The following VPS13A variants were observed in gnomAD, a reference collection of about 807,000 sequenced individuals.
VPS13A encodes the protein intermembrane lipid transfer protein VPS13A.
Under a neutral mutation model 390.9 loss-of-function variants are expected in VPS13A, and 264 were observed. That is an observed-to-expected ratio of 0.68 (90% CI 0.61 to 0.75). The LOEUF (loss-of-function observed/expected upper bound fraction) is 0.75, where lower values mean the gene tolerates loss of function less well. Ranked by LOEUF, VPS13A falls within the 30% of genes least tolerant of loss-of-function variation. The pLI, the probability that VPS13A is intolerant of heterozygous loss-of-function variation, is 0.00. For synonymous variants in VPS13A, 1,231 were observed against 1,227.1 expected (o/e 1.00, Z -0.07); for missense variants, 3,409 against 3,733.9 (o/e 0.91, Z 2.27).
At chr9:77,302,763 T>TA (rs747408809) in intron 33 of VPS13A, 152 bp from the exon 34 acceptor site, 975 of 789,168 alleles carry the variant, frequency 1.2e-3, no homozygotes, top group Non-Finnish European at 1.7e-3. Context: ...TTTTGACAGA[T>TA]AAAAAAAAAG....
chr9:77,246,531 T>C (rs1481741899), intron 19 of VPS13A, among the ~76,000 whole-genome samples: 1 of 152,250 alleles, frequency 6.6e-6, no homozygotes, highest in South Asian at 2.1e-4. Flanking sequence ...TTTTAAACTT[T>C]TTAAGTCAAA....
At chr9:77,250,278 A>G (rs1286880438) in intron 21 of VPS13A, 49 bp downstream of exon 21, 4 of 1,603,932 alleles carry the variant, frequency 2.5e-6, no homozygotes, top group African/African-American at 2.7e-5. Flanking sequence ...GAAGTGATTA[A>G]TTAGGTTTTT....
chr9:77,317,527 C>G, intron 39 of VPS13A, 79 bp from the exon 40 acceptor site: 8 of 1,059,208 alleles, frequency 7.6e-6, no homozygotes, highest in Non-Finnish European at 1.1e-5. Flanking sequence ...TTTGACATAC[C>G]TATTACTAGG....
intron 17 of VPS13A, among the ~76,000 whole-genome samples, chr9:77,235,744 C>T (rs1465327185): frequency 6.6e-6 from 1 of 152,110 alleles, no homozygotes; most frequent in Non-Finnish European, 1.5e-5. Flanking sequence ...CTTTATGCTC[C>T]ACAGACTCAA....
chr9:77,259,333 A>G (rs993525441), intron 22 of VPS13A, among the ~76,000 whole-genome samples: 1 of 152,212 alleles, frequency 6.6e-6, no homozygotes, highest in Non-Finnish European at 1.5e-5. Context: ...GAACCGATTC[A>G]TAATGTTTAA....
At chr9:77,330,059 C>G (rs189403032) in intron 45 of VPS13A, among the ~76,000 whole-genome samples, 1 of 152,148 alleles carries the variant, frequency 6.6e-6, no homozygotes, top group Non-Finnish European at 1.5e-5. Context: ...CTTGCTCTAT[C>G]GCCCAGGAGT....
chr9:77,413,529 G>C (rs1345817975), intron 71 of VPS13A, among the ~76,000 whole-genome samples: 1 of 152,128 alleles, frequency 6.6e-6, no homozygotes, highest in Non-Finnish European at 1.5e-5. Context: ...GGGAAAACTA[G>C]CTAGCCATAT....
At chr9:77,191,255 G>T in intron 1 of VPS13A, among the ~76,000 whole-genome samples, 1 of 148,134 alleles carries the variant, frequency 6.8e-6, no homozygotes, top group South Asian at 2.1e-4. Flanking sequence ...GTTTTCATTA[G>T]TTTCAAATAA....
intron 23 of VPS13A, among the ~76,000 whole-genome samples, chr9:77,265,818 T>C (rs951623011): frequency 1.6e-4 from 24 of 152,238 alleles, no homozygotes; most frequent in African/African-American, 5.1e-4. Context: ...ATCTTAGTTA[T>C]TTCTTGTCTT....
chr9:77,259,154 AAC>A (rs1481627121), intron 22 of VPS13A, among the ~76,000 whole-genome samples: 2 of 152,156 alleles, frequency 1.3e-5, no homozygotes, highest in Non-Finnish European at 2.9e-5. Context: ...CAAATCCTGA[AAC>A]TCCACAGGTG....
intron 40 of VPS13A, 21 bp from the exon 41 acceptor site, chr9:77,318,212 CTT>C (rs761993871): frequency 3.7e-5 from 53 of 1,429,940 alleles, no homozygotes; most frequent in Non-Finnish European, 4.9e-5. Flanking sequence ...TTTGTATAGA[CTT>C]ATTAATTTTT....
At chr9:77,389,800 G>A (rs2131627183) in intron 68 of VPS13A, 1 of 152,220 alleles carries the variant, frequency 6.6e-6, no homozygotes, top group Middle Eastern at 3.4e-3. Flanking sequence ...TGTCCTGTGG[G>A]TGTAGTATAG....
chr9:77,371,043 G>A lies in VPS13A; in HGVS notation c.8971G>A (p.Ala2991Thr), dbSNP rs778668066. 1.2e-6 allele frequency: 2 copies of A among 1,614,142 alleles called. No homozygotes were observed. Among genetic ancestry groups the A allele is most frequent in the Non-Finnish European group, 1.7e-6 (2 of 1,180,010 alleles). ...KPIKGAQKGG[A>T]AGFFKGVGKG... ...CTTTCCAGGAGCTCAAAAAGGAGGA[G>A]CAGCTGGTTTCTTTAAAGGTGTTGG... is the stretch of plus-strand genomic sequence containing the variant. The change falls in exon 67 of 72, where the codon GCA becomes ACA. Residue 2991 changes from alanine (A) to threonine (T), a missense_variant. Physicochemically the swap from Ala to Thr is moderately conservative, Grantham distance 58. Transcript: ENST00000360280.
chr9:77,195,371 G>T (rs1824929458), intron 1 of VPS13A, among the ~76,000 whole-genome samples: 1 of 152,174 alleles, frequency 6.6e-6, no homozygotes, highest in Non-Finnish European at 1.5e-5. Context: ...TGATCTGCCT[G>T]CTTCGGCCTC....
chr9:77,295,782 C>T lies in VPS13A; in HGVS notation c.3748C>T (p.Gln1250Ter). ...TNTFHMITES[Q>*]SSPPPVIDLI... is the part of the protein sequence containing the mutation. ...TACCTTTCATATGATAACAGAGAGC[C>T]AGAGCTCTCCCCCACCTGTTATTGA... The change falls in exon 33 of 72, where the codon CAG becomes TAG. Residue 1250 changes from glutamine (Q) to a stop codon, truncating the protein, a stop_gained. Coordinates refer to ENST00000360280, the MANE Select transcript of VPS13A (RefSeq NM_033305.3). LOFTEE classifies it high-confidence loss of function. 1 of 1,613,930 alleles carries T rather than the reference C, an allele frequency of 6.2e-7. No homozygotes were observed. Among genetic ancestry groups the T allele is most frequent in the Non-Finnish European group, 8.5e-7 (1 of 1,179,894 alleles).
chr9:77,211,100 A>G (rs768267874), intron 7 of VPS13A: 2 of 169,644 alleles, frequency 1.2e-5, no homozygotes, highest in Admixed American at 1.2e-4. Flanking sequence ...TTTTAAAAAT[A>G]TAAGAACATG....
Position 77,382,069 on chromosome 9 carries a change from T to A in VPS13A, c.9171T>A (p.Thr3057=). ...VIRPYRLRDG[T]GNQMLQVMEN... ...GACCGTACAGGTTGAGGGATGGGAC[T>A]GGAAATCAAATGTTACAGGTAAATT... Residue 3057 remains threonine (T), a synonymous_variant, in exon 68 of 72, where the codon ACT becomes ACA. Coordinates refer to ENST00000360280, the MANE Select transcript of VPS13A (RefSeq NM_033305.3). The A allele has an allele frequency of 6.2e-7, 1 of 1,607,136 alleles. No individual in the cohort carries two copies. Among genetic ancestry groups the A allele is most frequent in the South Asian group, 1.1e-5 (1 of 89,492 alleles).
intron 3 of VPS13A, 101 bp downstream of exon 3, chr9:77,201,508 A>T: frequency 9.5e-7 from 1 of 1,050,926 alleles, no homozygotes; most frequent in Non-Finnish European, 1.5e-6. Context: ...GTTTCTGAGC[A>T]TCAATTAAAA....
rs774586650 is a variant in VPS13A, at chr9:77,275,579, G to A, written c.2594G>A (p.Arg865Gln). ...LQFPTGVKSIRTRKLQKQDCS... is the reference protein window; with the variant it reads ...LQFPTGVKSIQTRKLQKQDCS... ...TTTCCAACTGGAGTTAAAAGTATTCGAACCAGAAAGTTACAAAAGCAGGAT... is the reference window on the plus strand; with the variant it reads ...TTTCCAACTGGAGTTAAAAGTATTCAAACCAGAAAGTTACAAAAGCAGGAT... The change falls in exon 25 of 72, where the codon CGA (arginine) becomes CAA (glutamine). Residue 865 changes from arginine (R) to glutamine (Q), a missense_variant. By Grantham distance (43) the Arg-to-Gln change is conservative. Coordinates refer to ENST00000360280, the MANE Select transcript of VPS13A (RefSeq NM_033305.3). 4 of 1,613,594 alleles carry A rather than the reference G, an allele frequency of 2.5e-6. No homozygotes were observed. Among genetic ancestry groups the A allele is most frequent in the Admixed American group, 1.7e-5 (1 of 59,994 alleles).
Sources: gnomAD v4.1 joint callset for allele counts (sites outside exome capture counted in the v4.1 genomes callset) on GRCh38, gnomAD v4.1.1 for gene constraint, MANE v1.5 for transcripts, NCBI Gene and HGNC (gene_info 2026-07-23, HGNC 2026-07-21) for gene names.